ATP6V1C2: variants seen among roughly 807,000 people sequenced by gnomAD.
The protein encoded by ATP6V1C2 is V-type proton ATPase subunit C 2.
A neutral mutation model predicts 56.8 loss-of-function variants in ATP6V1C2; 45 were observed. That is an observed-to-expected ratio of 0.79 (90% CI 0.62 to 1.02). The LOEUF (loss-of-function observed/expected upper bound fraction) is 1.02. Among genes scored for constraint, ATP6V1C2 ranks in the 50% least tolerant of loss-of-function variants. The pLI is 0.00. For synonymous variants in ATP6V1C2, 220 were observed against 201.3 expected (o/e 1.09, Z -0.79); for missense variants, 463 against 519.7 (o/e 0.89, Z 1.06).
chr2:10,772,726 G>A (rs1298369206), intron 8 of ATP6V1C2, 116 bp downstream of exon 8: 33 of 896,206 alleles, frequency 3.7e-5, no homozygotes, highest in Non-Finnish European at 5.8e-5. Flanking sequence ...TTCCACACCT[G>A]GGCCCTCTCC....
intron 3 of ATP6V1C2, among the ~76,000 whole-genome samples, chr2:10,748,155 C>CA (rs752354075): frequency 2.0e-5 from 3 of 152,214 alleles, no homozygotes; most frequent in South Asian, 2.1e-4. Context: ...CTTGGCCTCC[C>CA]AAAGTGCTGG....
At chr2:10,722,017 G>A (rs1246972658) in intron 1 of ATP6V1C2, among the ~76,000 whole-genome samples, 2 of 152,210 alleles carry the variant, frequency 1.3e-5, no homozygotes, top group Non-Finnish European at 2.9e-5. Context: ...GAGTCCGAAA[G>A]GAAGAGGTTC....
chr2:10,731,506 A>G (rs1472614685), intron 3 of ATP6V1C2, among the ~76,000 whole-genome samples: 1 of 152,222 alleles, frequency 6.6e-6, no homozygotes, highest in Non-Finnish European at 1.5e-5. Context: ...GAAGACACAT[A>G]TTAATAAAAT....
Position 10,784,559 on chromosome 2 carries a change from AC to A in ATP6V1C2, c.*1297del, listed in dbSNP as rs111548775. On this transcript the variant is annotated 3_prime_UTR_variant, in exon 14 of 14. Transcript: ENST00000272238. Reference sequence around the variant, plus strand: ...ACTCACCATTTTAACACTGGAAGCCACTTGAACGTGTCCTTTTGAGGAGGGT... The same window carrying A: ...ACTCACCATTTTAACACTGGAAGCCATTGAACGTGTCCTTTTGAGGAGGGT... 57,321 of 502,004 alleles carry A rather than the reference AC, an allele frequency of 0.11. 4,053 individuals are homozygous for A. Among genetic ancestry groups the A allele is most frequent in the African/African-American group, 0.27 (12,751 of 47,824 alleles). 31.1% of individuals were successfully genotyped at this position (502,004 alleles called of 1,614,324 possible).
At chr2:10,733,659 T>C (rs757344385) in intron 3 of ATP6V1C2, among the ~76,000 whole-genome samples, 2 of 151,826 alleles carry the variant, frequency 1.3e-5, no homozygotes, top group Non-Finnish European at 2.9e-5. Context: ...CCTCTCTCCC[T>C]GTTTTAAAAA....
chr2:10,742,302 G>A (rs1662597447), intron 3 of ATP6V1C2, among the ~76,000 whole-genome samples: 2 of 152,194 alleles, frequency 1.3e-5, no homozygotes, highest in Admixed American at 1.3e-4. Flanking sequence ...TCTCTTTGGT[G>A]TTGCATAGAC....
At chr2:10,778,429 G>A (rs1665137244) in intron 11 of ATP6V1C2, 143 bp from the exon 12 acceptor site, 1 of 734,008 alleles carries the variant, frequency 1.4e-6, no homozygotes, top group East Asian at 2.7e-5. Context: ...CTGACCCAGG[G>A]CTGGTCTGAC....
chr2:10,784,907 C>T lies in ATP6V1C2; in HGVS notation c.*1644C>T, dbSNP rs757881117. ...AAGAGAGTAAACCAGGACTGCTGCC[C>T]GCACAGCTTCCCTCCCGGGCACTCA... is the stretch of plus-strand genomic sequence containing the variant. On this transcript the variant is annotated 3_prime_UTR_variant, in exon 14 of 14. Coordinates refer to ENST00000272238, the MANE Select transcript of ATP6V1C2 (RefSeq NM_001039362.2). 3 of 1,485,586 alleles carry T rather than the reference C, an allele frequency of 2.0e-6. No homozygotes were observed. Among genetic ancestry groups the T allele is most frequent in the Admixed American group, 1.9e-5 (1 of 52,380 alleles). 92.0% of individuals were successfully genotyped at this position (1,485,586 alleles called of 1,614,324 possible).
At position 10,721,674 on chromosome 2, in the gene ATP6V1C2, A is replaced by C. The variant is rs969380472; in HGVS notation, c.-84A>C. 1 of 151,206 alleles carries C rather than the reference A, an allele frequency of 6.6e-6. No individual in the cohort carries two copies. Among genetic ancestry groups the C allele is most frequent in the East Asian group, 2.0e-4 (1 of 5,106 alleles). The allele number at this position is 151,206 out of a possible 1,614,324, so 9.4% of individuals were successfully genotyped here. ...AGCCGGCAGAGCGCTCCGGCCCCGC[A>C]CCCGCCGCCCGTCGCCCGCAGCCCC... is the stretch of plus-strand genomic sequence containing the variant. On this transcript the variant is annotated 5_prime_UTR_variant, in exon 1 of 14. Coordinates refer to ENST00000272238, the MANE Select transcript of ATP6V1C2 (RefSeq NM_001039362.2).
chr2:10,782,980 A>ACTAT (rs1402790752), intron 13 of ATP6V1C2, among the ~76,000 whole-genome samples, 194 bp from the exon 14 acceptor site: 2 of 152,100 alleles, frequency 1.3e-5, no homozygotes, highest in East Asian at 1.9e-4. Context: ...ACAAAGCAAA[A>ACTAT]CTATCTGTCA....
In ATP6V1C2 at chr2:10,747,650, AG is replaced by A. The variant is rs1450084717; in HGVS notation, c.198-6329del. 2.0e-5 allele frequency among the ~76,000 whole-genome samples: 3 copies of A among 152,064 alleles called. No homozygotes were observed. The South Asian group carries it at 6.2e-4, about 32-fold the overall frequency. On this transcript the variant is annotated intron_variant, in intron 3 of 13. Transcript: ENST00000272238. ...TGAGGTGGGAGGATCACTTAAGGCC[AG>A]GAGTTTGAGACCAGTCTGGACCACA...
chr2:10,752,968 C>T (rs1227973720), intron 3 of ATP6V1C2, among the ~76,000 whole-genome samples: 1 of 152,112 alleles, frequency 6.6e-6, no homozygotes, highest in Non-Finnish European at 1.5e-5. Flanking sequence ...TACACTCCAG[C>T]CTGGGTGACA....
At chr2:10,779,707 A>AAAAAAAAAAAG (rs746755191) in intron 12 of ATP6V1C2, among the ~76,000 whole-genome samples, 1 of 145,068 alleles carries the variant, frequency 6.9e-6, no homozygotes, top group African/African-American at 2.5e-5. Context: ...AAAAAAAAAA[A>AAAAAAAAAAAG]CTTCACTGTG....
At chr2:10,724,853 A>G (rs533184391) in intron 2 of ATP6V1C2, among the ~76,000 whole-genome samples, 2 of 151,904 alleles carry the variant, frequency 1.3e-5, no homozygotes, top group African/African-American at 2.4e-5. Context: ...TTGTATTTTT[A>G]GTAGAGACGG....
chr2:10,755,752 G>A (rs1663517032), intron 4 of ATP6V1C2, among the ~76,000 whole-genome samples: 1 of 152,146 alleles, frequency 6.6e-6, no homozygotes, highest in South Asian at 2.1e-4. Context: ...TATGAGAAAT[G>A]CCTTCCTGTG....
chr2:10,778,167 C>T (rs1665120162), intron 11 of ATP6V1C2, among the ~76,000 whole-genome samples: 3 of 152,202 alleles, frequency 2.0e-5, no homozygotes, highest in South Asian at 4.1e-4. Flanking sequence ...GCTGTGGCCA[C>T]GTGAGGTGGG....
intron 2 of ATP6V1C2, among the ~76,000 whole-genome samples, chr2:10,725,432 A>T (rs964334254): frequency 6.6e-6 from 1 of 150,718 alleles, no homozygotes; most frequent in Non-Finnish European, 1.5e-5. Context: ...AAAGAAAAGG[A>T]CCTAGGTGAA....
chr2:10,770,641 G>C (rs1664539999), intron 6 of ATP6V1C2, among the ~76,000 whole-genome samples: 1 of 152,222 alleles, frequency 6.6e-6, no homozygotes, highest in African/African-American at 2.4e-5. Context: ...GCAAACATCT[G>C]GTCTAGCCTC....
intron 3 of ATP6V1C2, among the ~76,000 whole-genome samples, chr2:10,730,960 T>C (rs929421772): frequency 1.4e-5 from 2 of 144,694 alleles, no homozygotes; most frequent in African/African-American, 5.2e-5. Context: ...GCCAACAATT[T>C]TTTTTTTCAT....
Sources: gnomAD v4.1 joint callset for allele counts (sites outside exome capture counted in the v4.1 genomes callset) on GRCh38, gnomAD v4.1.1 for gene constraint, MANE v1.5 for transcripts, NCBI Gene and HGNC (gene_info 2026-07-23, HGNC 2026-07-21) for gene names.